AMBRA1: variants seen among roughly 807,000 people sequenced by gnomAD.
AMBRA1 encodes activating molecule in BECN1-regulated autophagy protein 1.
Under a neutral mutation model 125.4 loss-of-function variants are expected in AMBRA1, and 47 were observed. The observed-to-expected ratio is 0.37, with a 90% CI of 0.30 to 0.48. The LOEUF (loss-of-function observed/expected upper bound fraction) is 0.48. Among genes scored for constraint, AMBRA1 ranks in the 20% least tolerant of loss-of-function variants. AMBRA1 has a pLI of 0.99. For synonymous variants in AMBRA1, 626 were observed against 655.5 expected, an observed-to-expected ratio of 0.95 and a Z score of 0.69; for missense variants, 1,331 against 1,693.4, an observed-to-expected ratio of 0.79 and a Z score of 3.76.
In AMBRA1 at chr11:46,547,811, G is replaced by T; in HGVS notation, c.194+6C>A. On this transcript the variant is annotated splice_donor_region_variant and intron_variant, in intron 3 of 17. Coordinates refer to ENST00000683756, the MANE Select transcript of AMBRA1 (RefSeq NM_001387011.1). Reference sequence around the variant, plus strand: ...AAATCTTAAGTTATAGATAAATACTGAGTACCTGTCTGGGCTGAAGGCCAA... The same window carrying T: ...AAATCTTAAGTTATAGATAAATACTTAGTACCTGTCTGGGCTGAAGGCCAA... The T allele has an allele frequency of 6.2e-7, 1 of 1,609,504 alleles. No individual in the cohort carries two copies. Among genetic ancestry groups the T allele is most frequent in the Non-Finnish European group, 8.5e-7 (1 of 1,177,716 alleles).
chr11:46,499,805 G>A lies in AMBRA1; in HGVS notation c.2340-5601C>T, dbSNP rs933586136. On this transcript the variant is annotated intron_variant, in intron 9 of 17. Transcript: ENST00000683756. ...TGAGTAGCTGGGTTTACAGGCGCCC[G>A]CCACCACGCCCAGCTAATTTTTATA... 5.9e-5 allele frequency among the ~76,000 whole-genome samples: 9 copies of A among 151,940 alleles called. 1 individual carries two copies. Among genetic ancestry groups the A allele is most frequent in the African/African-American group, 2.4e-5 (1 of 41,368 alleles).
At chr11:46,429,005 A>G (rs1228664166) in intron 14 of AMBRA1, 1 of 1,611,984 alleles carries the variant, frequency 6.2e-7, no homozygotes, top group African/African-American at 1.3e-5. Flanking sequence ...GAGAGACTGC[A>G]TGGCCTTCAT....
intron 1 of AMBRA1, among the ~76,000 whole-genome samples, chr11:46,565,039 T>C (rs2043472396): frequency 6.6e-6 from 1 of 152,152 alleles, no homozygotes; most frequent in Non-Finnish European, 1.5e-5. Flanking sequence ...TGAAGATCAC[T>C]TGAGTCCAAG....
intron 1 of AMBRA1, among the ~76,000 whole-genome samples, chr11:46,562,278 G>A (rs1057331544): frequency 2.0e-5 from 3 of 152,212 alleles, no homozygotes; most frequent in Admixed American, 1.3e-4. Context: ...TAACAGGTAA[G>A]CTTAGCGCAT....
chr11:46,406,777 G>T (rs1946042509), intron 17 of AMBRA1, among the ~76,000 whole-genome samples: 1 of 152,096 alleles, frequency 6.6e-6, no homozygotes, highest in Admixed American at 6.6e-5. Flanking sequence ...AGCTACTCGG[G>T]AGGCTGAGGC....
intron 12 of AMBRA1, 61 bp from the exon 13 acceptor site, chr11:46,435,098 C>T: frequency 6.8e-7 from 1 of 1,460,012 alleles, no homozygotes; most frequent in South Asian, 1.4e-5. Flanking sequence ...TGTAAAAATT[C>T]TGGGGCCAAG....
At chr11:46,549,799 T>C (rs1018205351) in intron 1 of AMBRA1, among the ~76,000 whole-genome samples, 1 of 151,972 alleles carries the variant, frequency 6.6e-6, no homozygotes, top group Non-Finnish European at 1.5e-5. Context: ...TTCATTTATT[T>C]GTGACACTAG....
In AMBRA1 at chr11:46,397,043, C is replaced by T. The variant is rs1049444371; in HGVS notation, c.*407G>A. The T allele has an allele frequency of 8.1e-5, 13 of 159,910 alleles. No homozygotes were observed. In the South Asian group the frequency reaches 2.3e-3, roughly 28 times the overall value. 9.9% of individuals were successfully genotyped at this position (159,910 alleles called of 1,614,324 possible). Reference sequence around the variant, plus strand: ...TGGCTCTGCCCACCCAACAGGTGGACAGGGCAAAGCTGCCTCGCGGGCCTC... The same window carrying T: ...TGGCTCTGCCCACCCAACAGGTGGATAGGGCAAAGCTGCCTCGCGGGCCTC... On this transcript the variant is annotated 3_prime_UTR_variant, in exon 18 of 18. Coordinates refer to ENST00000683756, the MANE Select transcript of AMBRA1 (RefSeq NM_001387011.1).
At chr11:46,399,745 A>G (rs1432051489) in intron 17 of AMBRA1, among the ~76,000 whole-genome samples, 2 of 152,124 alleles carry the variant, frequency 1.3e-5, no homozygotes, top group Non-Finnish European at 2.9e-5. Context: ...TTCACAAGCT[A>G]TTCCCCAGTT....
rs59904013 is a variant in AMBRA1, at chr11:46,527,477, C to CAAAAAAAAAA, written c.2072+14458_2072+14467dup. Among the ~76,000 whole-genome samples the CAAAAAAAAAA allele has an allele frequency of 6.2e-4, 16 of 25,940 alleles. 3 individuals carry two copies. Among genetic ancestry groups the CAAAAAAAAAA allele is most frequent in the African/African-American group, 1.4e-3 (7 of 5,090 alleles). 17.0% of individuals were successfully genotyped at this position (25,940 alleles called of 152,430 possible). A position where few individuals can be genotyped will look rare whatever the true frequency, so the allele number is the denominator to read the frequency against. On this transcript the variant is annotated intron_variant, in intron 7 of 17. Coordinates refer to ENST00000683756, the MANE Select transcript of AMBRA1 (RefSeq NM_001387011.1). The stretch of plus-strand genomic sequence containing the variant: ...CCTAGGTGACAAAGTGAGACTGTCT[C>CAAAAAAAAAA]AAAAAAAAAAAAAAAAAAAAAAAAA...
chr11:46,494,325 A>C, intron 9 of AMBRA1, 121 bp from the exon 10 acceptor site: 1 of 750,096 alleles, frequency 1.3e-6, no homozygotes, highest in Non-Finnish European at 2.2e-6. Context: ...CACATAAATT[A>C]GTCATCTGGC....
chr11:46,549,680 TA>T (rs1357096125), intron 1 of AMBRA1, among the ~76,000 whole-genome samples: 1 of 152,136 alleles, frequency 6.6e-6, no homozygotes, highest in Non-Finnish European at 1.5e-5. Context: ...ATGGTTGACT[TA>T]AAAAAAATCC....
chr11:46,587,126 T>A (rs1169157840), intron 1 of AMBRA1, among the ~76,000 whole-genome samples: 15 of 152,142 alleles, frequency 9.9e-5, no homozygotes, highest in Non-Finnish European at 2.2e-4. Flanking sequence ...CCGCCTATAA[T>A]CCCAACATGT....
Position 46,543,157 on chromosome 11 carries a change from T to G in AMBRA1, c.860A>C (p.Tyr287Ser). The G allele has an allele frequency of 6.4e-7, 1 of 1,565,116 alleles. No homozygotes were observed. Among genetic ancestry groups the G allele is most frequent in the East Asian group, 2.4e-5 (1 of 42,206 alleles). ...ACTGACCCGCTGTCGGAGCCTGATG[T>G]AAGCGGAAGTCCTGGGGCGCTCCGT... ...PSTERPRTSA[Y>S]IRLRQRVSYP... The change falls in exon 7 of 18, where the codon TAC (tyrosine) becomes TCC (serine). Residue 287 changes from tyrosine to serine, a missense_variant. Tyr to Ser is a moderately radical substitution (Grantham distance 144). Transcript: ENST00000683756.
At chr11:46,402,795 C>T (rs575164229) in intron 17 of AMBRA1, among the ~76,000 whole-genome samples, 1 of 152,232 alleles carries the variant, frequency 6.6e-6, no homozygotes, top group Non-Finnish European at 1.5e-5. Flanking sequence ...AGTAAGTGCT[C>T]AAAAAAGAAT....
chr11:46,562,987 AG>A (rs1383442026), intron 1 of AMBRA1, among the ~76,000 whole-genome samples: 2 of 152,086 alleles, frequency 1.3e-5, no homozygotes, highest in East Asian at 1.9e-4. Flanking sequence ...TAGTGGAAAC[AG>A]GGTTTCACCA....
At position 46,534,719 on chromosome 11, in the gene AMBRA1, G is replaced by A. The variant is rs375346909; in HGVS notation, c.2072+7226C>T. On this transcript the variant is annotated intron_variant, in intron 7 of 17. Coordinates refer to ENST00000683756, the MANE Select transcript of AMBRA1 (RefSeq NM_001387011.1). The stretch of plus-strand genomic sequence containing the variant: ...ACAGGGTCTCCACTCTGTTGCCCAG[G>A]CTGCAGTGCAGAGGCGCAATCATGG... Among the ~76,000 whole-genome samples the A allele has an allele frequency of 4.3e-4, 65 of 152,284 alleles. No individual in the cohort carries two copies. The East Asian group carries it at 4.8e-3, about 11-fold the overall frequency.
At position 46,473,812 on chromosome 11, in the gene AMBRA1, G is replaced by A. The variant is rs564871053; in HGVS notation, c.2521+19796C>T. Among the ~76,000 whole-genome samples the A allele has an allele frequency of 3.3e-5, 5 of 152,256 alleles. No individual in the cohort carries two copies. The South Asian group carries it at 6.2e-4, about 19-fold the overall frequency. On this transcript the variant is annotated intron_variant, in intron 11 of 17. Coordinates refer to ENST00000683756, the MANE Select transcript of AMBRA1 (RefSeq NM_001387011.1). ...ACTACGGACACCCACCACCACGCCC[G>A]GCTAACTTTTTGTATTTTTAGTGGA...
intron 11 of AMBRA1, among the ~76,000 whole-genome samples, chr11:46,473,853 T>C (rs1285984796): frequency 6.6e-6 from 1 of 152,218 alleles, no homozygotes; most frequent in African/African-American, 2.4e-5. Context: ...TGTTTCACCG[T>C]GTTAGCCACG....
Sources: allele counts gnomAD v4.1 joint callset (sites outside exome capture counted in the v4.1 genomes callset), GRCh38; gene constraint gnomAD v4.1.1; transcripts MANE v1.5; gene names NCBI Gene and HGNC (gene_info 2026-07-23, HGNC 2026-07-21).